Variants in GRIA2 observed in about 807,000 individuals in gnomAD.
The protein encoded by GRIA2 is glutamate receptor 2.
In GRIA2, 14 loss-of-function variants were observed where a neutral mutation model predicts 97.3. The ratio of observed to expected loss-of-function variants is 0.14; its 90% confidence interval spans 0.10 to 0.23. The LOEUF (loss-of-function observed/expected upper bound fraction) is 0.23, where lower values mean the gene tolerates loss of function less well. GRIA2 is among the 10% of genes least tolerant of loss of function. GRIA2 has a pLI of 1.00. For missense variants in GRIA2, 558 were observed against 1,069.8 expected (o/e 0.52, Z 6.67); for synonymous variants, 412 against 387.8 (o/e 1.06, Z -0.73).
intron 2 of GRIA2, among the ~76,000 whole-genome samples, chr4:157,274,964 A>G (rs984545237): frequency 4.7e-5 from 7 of 150,284 alleles, no homozygotes; most frequent in Non-Finnish European, 8.9e-5. Context: ...CAATGGTTGA[A>G]CTAGTTTACA....
chr4:157,356,161 A>T (rs1433883677), intron 12 of GRIA2, among the ~76,000 whole-genome samples: 2 of 130,668 alleles, frequency 1.5e-5, no homozygotes, highest in Admixed American at 8.9e-5. Flanking sequence ...ATTTATTTAT[A>T]TATATTTATA....
rs1271819975 is a variant in GRIA2 at position 157,361,477 on chromosome 4, T to C, written c.2406+353T>C. The C allele has an allele frequency of 1.6e-6, 2 of 1,228,188 alleles. No individual in the cohort carries two copies. The highest frequency in any genetic ancestry group is 3.0e-5 in the African/African-American group (2 of 66,194). The allele number at this position is 1,228,188 out of a possible 1,614,324, so 76.1% of individuals were successfully genotyped here. A position where few individuals can be genotyped will look rare whatever the true frequency, so the allele number is the denominator to read the frequency against. On this transcript the variant is annotated intron_variant, in intron 14 of 15. Transcript: ENST00000264426. The surrounding 1 kb of genome is among the most constrained non-coding windows in gnomAD (Gnocchi z 5.2). ...TCTTACAAAGCTCTTGAATCAGTAT[T>C]ATGTAATGAATAACATAAAATAACA...
At chr4:157,234,314 C>G (rs897572648) in intron 2 of GRIA2, among the ~76,000 whole-genome samples, 1 of 152,002 alleles carries the variant, frequency 6.6e-6, no homozygotes, top group African/African-American at 2.4e-5. Context: ...ATAGTTTTCT[C>G]TATGTAATTT....
intron 2 of GRIA2, among the ~76,000 whole-genome samples, chr4:157,271,961 A>T (rs781007554): frequency 9.9e-5 from 15 of 152,142 alleles, no homozygotes; most frequent in Admixed American, 7.2e-4. Context: ...AGAACTGGAA[A>T]AAAGGACTTT....
chr4:157,287,984 C>A (rs1428312437), intron 2 of GRIA2, among the ~76,000 whole-genome samples: 1 of 151,386 alleles, frequency 6.6e-6, no homozygotes, highest in Admixed American at 6.6e-5. Context: ...AGATATTGAG[C>A]CAGTCAGATT....
In GRIA2 at chr4:157,336,880, A is replaced by G. The variant is rs1223489458; in HGVS notation, c.1844+133A>G. ...AAGCAGTTTAAGACTCTTGAAGGAC[A>G]TCCTCTTAGCTTCGGCATAAGTCTG... On this transcript the variant is annotated intron_variant, in intron 11 of 15. Coordinates refer to ENST00000264426, the MANE Select transcript of GRIA2 (RefSeq NM_001083619.3). 3 of 742,758 alleles carry G rather than the reference A, an allele frequency of 4.0e-6. No individual in the cohort carries two copies. In the East Asian group the frequency reaches 7.4e-5, roughly 18 times the overall value. 46.0% of individuals were successfully genotyped at this position (742,758 alleles called of 1,614,324 possible).
chr4:157,243,074 T>C (rs1220968901), intron 2 of GRIA2, among the ~76,000 whole-genome samples: 1 of 152,104 alleles, frequency 6.6e-6, no homozygotes, highest in Non-Finnish European at 1.5e-5. Flanking sequence ...GTATGAAAGC[T>C]GACACAAGAA....
rs1735581956 is a variant in GRIA2 at position 157,342,280 on chromosome 4, A to G, written c.2043+818A>G. On this transcript the variant is annotated intron_variant, in intron 12 of 15. Coordinates refer to ENST00000264426, the MANE Select transcript of GRIA2 (RefSeq NM_001083619.3). ...AGCTTATTCCGGAATTAGGATTAGG[A>G]CCTTCAAATGGCCATCAAAATTTGA... 4 of 982,202 alleles carry G rather than the reference A, an allele frequency of 4.1e-6. No homozygotes were observed. The African/African-American group carries it at 5.2e-5, about 13-fold the overall frequency. 60.8% of individuals were successfully genotyped at this position (982,202 alleles called of 1,614,324 possible).
chr4:157,318,592 A>G (rs1734426635), intron 5 of GRIA2, among the ~76,000 whole-genome samples: 1 of 152,224 alleles, frequency 6.6e-6, no homozygotes, highest in Non-Finnish European at 1.5e-5. Flanking sequence ...CAGAGTAGTT[A>G]ATTCTATTTC....
chr4:157,358,907 A>G (rs535889167), intron 12 of GRIA2, among the ~76,000 whole-genome samples: 1 of 151,582 alleles, frequency 6.6e-6, no homozygotes, highest in African/African-American at 2.4e-5. Flanking sequence ...AAACAAACAA[A>G]CCCCCCCCAA....
chr4:157,223,768 G>T (rs527891430), intron 2 of GRIA2, among the ~76,000 whole-genome samples: 86 of 152,314 alleles, frequency 5.6e-4, no homozygotes, highest in African/African-American at 1.9e-3. Context: ...AACAGTCAAT[G>T]ATTGCCAAGT....
At chr4:157,337,727 G>A (rs1329756492) in intron 11 of GRIA2, among the ~76,000 whole-genome samples, 1 of 151,714 alleles carries the variant, frequency 6.6e-6, no homozygotes, top group African/African-American at 2.4e-5. Context: ...AAAACTGTAT[G>A]AGAAGCTCAA....
At chr4:157,225,780 C>A (rs1318956310) in intron 2 of GRIA2, among the ~76,000 whole-genome samples, 2 of 151,434 alleles carry the variant, frequency 1.3e-5, no homozygotes, top group African/African-American at 2.4e-5. Context: ...TAAACACAAG[C>A]GGTTTAATAC....
At chr4:157,241,558 C>T (rs1388808294) in intron 2 of GRIA2, among the ~76,000 whole-genome samples, 1 of 151,986 alleles carries the variant, frequency 6.6e-6, no homozygotes, top group Non-Finnish European at 1.5e-5. Flanking sequence ...TTTAGTGTAA[C>T]ATAGACAAAA....
chr4:157,357,570 T>G (rs1736445978), intron 12 of GRIA2, among the ~76,000 whole-genome samples: 1 of 152,118 alleles, frequency 6.6e-6, no homozygotes, highest in South Asian at 2.1e-4. Flanking sequence ...TAATCTACAA[T>G]TACATCATAA....
intron 2 of GRIA2, 24 bp from the exon 3 acceptor site, chr4:157,303,528 T>C: frequency 1.2e-6 from 2 of 1,604,844 alleles, no homozygotes; most frequent in Non-Finnish European, 1.7e-6. Context: ...TGATTTTTCC[T>C]TTCTATTTTT....
Position 157,270,338 on chromosome 4 carries a change from C to A in GRIA2, c.230-33214C>A, listed in dbSNP as rs556259501. Among the ~76,000 whole-genome samples, 239 of 152,184 alleles carry A rather than the reference C, an allele frequency of 1.6e-3. 1 individual carries two copies. Among genetic ancestry groups the A allele is most frequent in the Non-Finnish European group, 2.6e-3 (180 of 68,014 alleles). Reference sequence around the variant, plus strand: ...GGTATTGGCTCATGCTGAGAGCATACCACCTGGCAGCCTCCACAGCTTGTG... The same window carrying A: ...GGTATTGGCTCATGCTGAGAGCATAACACCTGGCAGCCTCCACAGCTTGTG... On this transcript the variant is annotated intron_variant, in intron 2 of 15. Coordinates refer to ENST00000264426, the MANE Select transcript of GRIA2 (RefSeq NM_001083619.3).
intron 2 of GRIA2, among the ~76,000 whole-genome samples, chr4:157,232,403 T>C (rs569761585): frequency 6.6e-6 from 1 of 152,352 alleles, no homozygotes; most frequent in South Asian, 2.1e-4. Context: ...TCATCTTTAT[T>C]CGTGTGTTAT....
intron 6 of GRIA2, among the ~76,000 whole-genome samples, chr4:157,324,830 C>A (rs1382710422): frequency 1.3e-5 from 2 of 152,046 alleles, no homozygotes; most frequent in Non-Finnish European, 2.9e-5. Context: ...TTATATAGCA[C>A]CCTCTAAATA....
Sources: gnomAD v4.1 joint callset for allele counts (sites outside exome capture counted in the v4.1 genomes callset) on GRCh38, gnomAD v4.1.1 for gene constraint, Gnocchi (gnomAD v3.1) non-coding constraint, MANE v1.5 for transcripts, NCBI Gene and HGNC (gene_info 2026-07-23, HGNC 2026-07-21) for gene names.